The following TEX9 variants were observed in gnomAD, a reference collection of about 807,000 sequenced individuals.
The protein encoded by TEX9 is testis expressed 9, also known as testis-expressed protein 9.
TEX9 carries 74 observed loss-of-function variants against 59.6 expected under a neutral mutation model. The observed-to-expected ratio is 1.24, with a 90% CI of 1.03 to 1.51. The LOEUF (loss-of-function observed/expected upper bound fraction) is 1.51. TEX9 is among the 40% of genes most tolerant of loss of function. TEX9 has a pLI of 0.00. For missense variants in TEX9, 522 were observed against 447.8 expected (o/e 1.17, Z -1.49); for synonymous variants, 186 against 152.2 (o/e 1.22, Z -1.64).
chr15:56,272,100 C>T (rs939922197), intron 1 of TEX9, among the ~76,000 whole-genome samples: 7 of 151,424 alleles, frequency 4.6e-5, no homozygotes, highest in Non-Finnish European at 7.4e-5. Context: ...GCTGAGATCG[C>T]GCCACTGCAG....
intron 1 of TEX9, among the ~76,000 whole-genome samples, chr15:56,276,698 T>G (rs547494029): frequency 5.9e-5 from 9 of 152,304 alleles, no homozygotes; most frequent in African/African-American, 1.9e-4. Context: ...TACCCAATAA[T>G]GGGATTGCTG....
chr15:56,286,293 C>G (rs1186623909), intron 1 of TEX9, among the ~76,000 whole-genome samples: 1 of 151,986 alleles, frequency 6.6e-6, no homozygotes, highest in Non-Finnish European at 1.5e-5. Flanking sequence ...TGGCATGTTT[C>G]AAAAGAAACA....
intron 1 of TEX9, among the ~76,000 whole-genome samples, chr15:56,274,251 T>C (rs1056998818): frequency 6.6e-6 from 1 of 152,212 alleles, no homozygotes; most frequent in Non-Finnish European, 1.5e-5. Flanking sequence ...CTTTCCTTGA[T>C]GTTTTGAGTG....
At chr15:56,393,211 T>A (rs1364592159) in intron 7 of TEX9, among the ~76,000 whole-genome samples, 2 of 152,174 alleles carry the variant, frequency 1.3e-5, no homozygotes, top group Non-Finnish European at 2.9e-5. Context: ...ACTGTCAACT[T>A]CACCCTTTTT....
intron 12 of TEX9, among the ~76,000 whole-genome samples, chr15:56,442,951 C>T (rs2050844703): frequency 6.6e-6 from 1 of 151,890 alleles, no homozygotes; most frequent in African/African-American, 2.4e-5. Flanking sequence ...GGATTTGCCT[C>T]TTTCTCCTTT....
At chr15:56,304,747 T>C (rs2045438258) in intron 1 of TEX9, among the ~76,000 whole-genome samples, 1 of 152,212 alleles carries the variant, frequency 6.6e-6, no homozygotes, top group Non-Finnish European at 1.5e-5. Flanking sequence ...TGTCTGGTTT[T>C]GGTTTCACTC....
intron 1 of TEX9, among the ~76,000 whole-genome samples, chr15:56,266,707 T>C (rs2044393225): frequency 6.6e-6 from 1 of 152,242 alleles, no homozygotes; most frequent in Non-Finnish European, 1.5e-5. Flanking sequence ...GTGCCATATT[T>C]TCTTAATCCT....
chr15:56,419,904 T>G (rs2049886562), intron 10 of TEX9, among the ~76,000 whole-genome samples: 1 of 151,880 alleles, frequency 6.6e-6, no homozygotes. Flanking sequence ...GGGCCTGAGG[T>G]TTTCTTGTGG....
intron 1 of TEX9, among the ~76,000 whole-genome samples, chr15:56,321,600 C>G (rs1456423295): frequency 1.3e-5 from 2 of 152,096 alleles, no homozygotes; most frequent in Non-Finnish European, 2.9e-5. Flanking sequence ...ACCTGACAAA[C>G]TAGGAGAGGA....
intron 1 of TEX9, among the ~76,000 whole-genome samples, chr15:56,282,578 C>G (rs1407532752): frequency 6.6e-6 from 1 of 151,858 alleles, no homozygotes; most frequent in African/African-American, 2.4e-5. Context: ...CATTAGAATC[C>G]CCAAAACCCA....
chr15:56,314,028 A>T (rs1596081955), intron 1 of TEX9, among the ~76,000 whole-genome samples: 1 of 56,502 alleles, frequency 1.8e-5, no homozygotes, highest in Admixed American at 2.4e-4. Flanking sequence ...CGTCCATTTG[A>T]TTCTTCTCTC....
At chr15:56,455,562 C>T in the TEX9 span, among the ~76,000 whole-genome samples, 1 of 152,124 alleles carries the variant, frequency 6.6e-6, no homozygotes, top group Non-Finnish European at 1.5e-5. Context: ...AAGTAAATTT[C>T]CAATATATTC....
At chr15:56,252,252 G>A (rs2044039628) in intron 1 of TEX9, among the ~76,000 whole-genome samples, 1 of 151,746 alleles carries the variant, frequency 6.6e-6, no homozygotes, top group South Asian at 2.1e-4. Context: ...CTGACTTCCA[G>A]TACTACAAAC....
At chr15:56,284,324 G>T (rs903319783) in intron 1 of TEX9, among the ~76,000 whole-genome samples, 1 of 152,036 alleles carries the variant, frequency 6.6e-6, no homozygotes. Context: ...TCCTAAAGAA[G>T]TAATCCTAAA....
At chr15:56,365,380 G>A (rs2046886566), upstream of TEX9, 17 of 1,555,990 alleles carry the variant, frequency 1.1e-5, no homozygotes, top group South Asian at 2.1e-4. Context: ...CGGGCGGGAG[G>A]CAACCGGGAT....
intron 10 of TEX9, among the ~76,000 whole-genome samples, chr15:56,413,284 TTTAATAATAAATTATTTA>T: frequency 1.6e-3 from 1 of 634 alleles, no homozygotes; most frequent in African/African-American, 2.9e-3. Context: ...AATTAAATAA[TTTAATAATAAATTATTTA>T]ATTTAATAAT....
intron 1 of TEX9, among the ~76,000 whole-genome samples, chr15:56,312,460 T>C (rs1163786347): frequency 1.4e-5 from 2 of 147,200 alleles, no homozygotes; most frequent in African/African-American, 5.1e-5. Flanking sequence ...GTTGTAGATA[T>C]GCGGCATTAT....
chr15:56,434,049 A>G lies in TEX9; in HGVS notation c.*29+5576A>G. On this transcript the variant is annotated intron_variant, in intron 12 of 12. Transcript: ENST00000352903. Reference sequence around the variant, plus strand: ...AACATACTAACATTGTCTGGCATATAAAGCTTCTCAGTAAATGTTTAGTGG... The same window carrying G: ...AACATACTAACATTGTCTGGCATATGAAGCTTCTCAGTAAATGTTTAGTGG... 5 of 1,375,056 alleles carry G rather than the reference A, an allele frequency of 3.6e-6. No individual in the cohort carries two copies. The South Asian group carries it at 7.1e-5, about 20-fold the overall frequency. 85.2% of individuals were successfully genotyped at this position (1,375,056 alleles called of 1,614,324 possible).
chr15:56,324,614 A>G (rs1409635625), intron 1 of TEX9, among the ~76,000 whole-genome samples: 1 of 152,242 alleles, frequency 6.6e-6, no homozygotes, highest in African/African-American at 2.4e-5. Flanking sequence ...CCACAGCTGC[A>G]TGAACGGACA....
Sources: gnomAD v4.1 joint callset for allele counts (sites outside exome capture counted in the v4.1 genomes callset) on GRCh38, gnomAD v4.1.1 for gene constraint, MANE v1.5 for transcripts, NCBI Gene and HGNC (gene_info 2026-07-23, HGNC 2026-07-21) for gene names.